The following SLC43A1 variants were observed in gnomAD, a reference collection of about 807,000 sequenced individuals.
The protein encoded by SLC43A1 is solute carrier family 43 member 1.
A neutral mutation model predicts 59.5 loss-of-function variants in SLC43A1; 31 were observed. The observed-to-expected ratio is 0.52, with a 90% CI of 0.39 to 0.70. SLC43A1 has a LOEUF of 0.70. Among genes scored for constraint, SLC43A1 ranks in the 30% least tolerant of loss-of-function variants. The pLI, the probability that SLC43A1 is intolerant of heterozygous loss-of-function variation, is 0.00. For synonymous variants in SLC43A1, 259 were observed against 290.9 expected (o/e 0.89, Z 1.12); for missense variants, 598 against 717.8 (o/e 0.83, Z 1.91).
chr11:57,515,002 C>A lies in SLC43A1; in HGVS notation c.-14+442G>T, dbSNP rs1944652347. On this transcript the variant is annotated intron_variant, in intron 1 of 14. Transcript: ENST00000278426. This position sits in a 1 kb window ranked among gnomAD's most constrained non-coding sequence, Gnocchi z 5.3. The stretch of plus-strand genomic sequence containing the variant: ...GCAGCCTCGGCGGGAGGAGAGGGAA[C>A]GCGGGCGGCGCGGGGGCGGGGAGCG... The A allele has an allele frequency of 2.0e-6, 2 of 984,002 alleles. No individual in the cohort carries two copies. Among genetic ancestry groups the A allele is most frequent in the South Asian group, 9.4e-5 (2 of 21,252 alleles). The allele number at this position is 984,002 out of a possible 1,614,324, so 61.0% of individuals were successfully genotyped here.
chr11:57,501,607 G>A (rs1487988584), intron 2 of SLC43A1, among the ~76,000 whole-genome samples: 1 of 152,248 alleles, frequency 6.6e-6, no homozygotes, highest in Non-Finnish European at 1.5e-5. Flanking sequence ...TGCACTCAGT[G>A]TCCAAGCTTA....
Position 57,501,020 on chromosome 11 carries a change from G to GTGCA in SLC43A1, c.352_355dup (p.Thr119MetfsTer109). On this transcript the variant is annotated frameshift_variant, in exon 4 of 15. Coordinates refer to ENST00000278426, the MANE Select transcript of SLC43A1 (RefSeq NM_003627.6). LOFTEE classifies it high-confidence loss of function. Reference sequence around the variant, plus strand: ...GTCCCGGGAGGCCAGGGCCATGAGGGTGCAGGACGCAGTGAAGCAGGCACT... The same window carrying GTGCA: ...GTCCCGGGAGGCCAGGGCCATGAGGGTGCATGCAGGACGCAGTGAAGCAGGCACT... The GTGCA allele has an allele frequency of 6.2e-7, 1 of 1,602,204 alleles. No homozygotes were observed. The highest frequency in any genetic ancestry group is 8.5e-7 in the Non-Finnish European group (1 of 1,174,268).
chr11:57,491,650 G>A, intron 9 of SLC43A1, 24 bp from the exon 10 acceptor site: 1 of 1,614,196 alleles, frequency 6.2e-7, no homozygotes. Flanking sequence ...AACGTATGGT[G>A]AGGGGAGCTC....
At chr11:57,493,926 G>A in intron 8 of SLC43A1, 67 bp downstream of exon 8, 3 of 1,459,070 alleles carry the variant, frequency 2.1e-6, no homozygotes, top group Non-Finnish European at 2.8e-6. Flanking sequence ...TCAACCATGA[G>A]TGCTCACTGA....
chr11:57,506,335 T>C (rs1226508151), intron 2 of SLC43A1, among the ~76,000 whole-genome samples: 1 of 152,008 alleles, frequency 6.6e-6, no homozygotes, highest in Non-Finnish European at 1.5e-5. Context: ...GACAAAGTGA[T>C]ACCCTGTCTC....
At chr11:57,505,340 T>C (rs1944368742) in intron 2 of SLC43A1, among the ~76,000 whole-genome samples, 3 of 152,096 alleles carry the variant, frequency 2.0e-5, no homozygotes, top group African/African-American at 4.8e-5. Flanking sequence ...GGTGAAACCC[T>C]GTCTCTACTA....
At chr11:57,510,331 G>T (rs145053666) in intron 2 of SLC43A1, among the ~76,000 whole-genome samples, 81 of 151,768 alleles carry the variant, frequency 5.3e-4, no homozygotes, top group Middle Eastern at 3.4e-3. Context: ...GGTGGTGGAC[G>T]CCTGTAATCC....
At chr11:57,504,154 G>T (rs992820751) in intron 2 of SLC43A1, among the ~76,000 whole-genome samples, 2 of 152,060 alleles carry the variant, frequency 1.3e-5, no homozygotes, top group East Asian at 1.9e-4. Flanking sequence ...CCGAGATCGC[G>T]CCACTGCACT....
chr11:57,501,062 G>C lies in SLC43A1; in HGVS notation c.333-19C>G. On this transcript the variant is annotated intron_variant, in intron 3 of 14. Transcript: ENST00000278426. ...GCAGGCACTGTGGAGACACAGGGAA[G>C]GGCGAGGGGTTGGCCTGTGAGCACC... 1 of 1,606,228 alleles carries C rather than the reference G, an allele frequency of 6.2e-7. No homozygotes were observed. The highest frequency in any genetic ancestry group is 1.1e-5 in the South Asian group (1 of 89,984).
chr11:57,508,209 G>T (rs1022935989), intron 2 of SLC43A1, among the ~76,000 whole-genome samples: 1 of 151,640 alleles, frequency 6.6e-6, no homozygotes, highest in African/African-American at 2.4e-5. Flanking sequence ...GGAGGTTGCA[G>T]TGAGGTGAGA....
In SLC43A1 at chr11:57,513,938, C is replaced by T; in HGVS notation, c.154+20G>A. On this transcript the variant is annotated intron_variant, in intron 2 of 14. Coordinates refer to ENST00000278426, the MANE Select transcript of SLC43A1 (RefSeq NM_003627.6). ...TTGCCATCCCTCCCCCCAGCCCACC[C>T]AGCCCATTTTCAGGCATACCTGGGC... 1 of 1,311,326 alleles carries T rather than the reference C, an allele frequency of 7.6e-7. No individual in the cohort carries two copies. The highest frequency in any genetic ancestry group is 1.1e-6 in the Non-Finnish European group (1 of 922,930). 81.2% of individuals were successfully genotyped at this position (1,311,326 alleles called of 1,614,324 possible).
At chr11:57,508,451 T>C (rs2135217434) in intron 2 of SLC43A1, among the ~76,000 whole-genome samples, 1 of 152,038 alleles carries the variant, frequency 6.6e-6, no homozygotes, top group Non-Finnish European at 1.5e-5. Flanking sequence ...TGAATAAAGT[T>C]CCAAGAAGCA....
At position 57,487,311 on chromosome 11, in the gene SLC43A1, G is replaced by C. The variant is rs924533636; in HGVS notation, c.1410-93C>G. ...CCCCTCCCCACCATGGTCCCCGCTG[G>C]CCAGGCAGGGTGGTGCTTAAGCGTT... On this transcript the variant is annotated intron_variant, in intron 13 of 14. Transcript: ENST00000278426. 8 of 1,485,878 alleles carry C rather than the reference G, an allele frequency of 5.4e-6. No individual in the cohort carries two copies. The South Asian group carries it at 1.0e-4, about 19-fold the overall frequency. The allele number at this position is 1,485,878 out of a possible 1,614,324, so 92.0% of individuals were successfully genotyped here. A position where few individuals can be genotyped will look rare whatever the true frequency, so the allele number is the denominator to read the frequency against.
Position 57,494,031 on chromosome 11 carries a change from G to A in SLC43A1, c.833C>T (p.Pro278Leu), listed in dbSNP as rs1324381187. The change falls in exon 8 of 15, where the codon CCC (proline) becomes CTC (leucine). Residue 278 changes from proline (P) to leucine (L), a missense_variant. By Grantham distance (98) the Pro-to-Leu change is moderately conservative (BLOSUM62 -3). Transcript: ENST00000278426. ...TTCTGAGGTGCCCCGAACATCCTGG[G>A]GTGACATGAAGGCATCCGAACCGTC... ...LEDGSDAFMS[P>L]QDVRGTSENL... 2 of 1,606,550 alleles carry A rather than the reference G, an allele frequency of 1.2e-6. No individual in the cohort carries two copies. Among genetic ancestry groups the A allele is most frequent in the South Asian group, 1.1e-5 (1 of 89,824 alleles).
chr11:57,488,878 G>A (rs767917248), intron 13 of SLC43A1, 38 bp downstream of exon 13: 1 of 1,564,534 alleles, frequency 6.4e-7, no homozygotes, highest in Non-Finnish European at 8.8e-7. Context: ...GATCACGGTT[G>A]CAAAGCTCAG....
intron 2 of SLC43A1, among the ~76,000 whole-genome samples, chr11:57,511,267 AT>A (rs1367346319): frequency 2.0e-5 from 3 of 151,452 alleles, no homozygotes; most frequent in Admixed American, 1.3e-4. Flanking sequence ...CTATAAAAAA[AT>A]TTTTTTTTAA....
rs542634921 is a variant in SLC43A1 at position 57,514,983 on chromosome 11, T to C, written c.-14+461A>G. The C allele has an allele frequency of 9.9e-5, 97 of 975,568 alleles. No homozygotes were observed. In the African/African-American group the frequency reaches 1.5e-3, roughly 15 times the overall value. 60.4% of individuals were successfully genotyped at this position (975,568 alleles called of 1,614,324 possible). A position where few individuals can be genotyped will look rare whatever the true frequency, so the allele number is the denominator to read the frequency against. On this transcript the variant is annotated intron_variant, in intron 1 of 14. Coordinates refer to ENST00000278426, the MANE Select transcript of SLC43A1 (RefSeq NM_003627.6). This position sits in a 1 kb window ranked among gnomAD's most constrained non-coding sequence, Gnocchi z 5.5. ...TCCCCCCGCCGCGGCCGCTGCAGCC[T>C]CGGCGGGAGGAGAGGGAACGCGGGC...
intron 14 of SLC43A1, among the ~76,000 whole-genome samples, chr11:57,486,773 C>T (rs1014562221): frequency 2.0e-5 from 3 of 151,854 alleles, no homozygotes; most frequent in African/African-American, 2.4e-5. Context: ...CGCACCACTG[C>T]ACTCCAGCCT....
rs1258495490 is a variant in SLC43A1 at position 57,515,210 on chromosome 11, AG to A, written c.-14+233del. On this transcript the variant is annotated intron_variant, in intron 1 of 14. Coordinates refer to ENST00000278426, the MANE Select transcript of SLC43A1 (RefSeq NM_003627.6). The surrounding 1 kb of genome is among the most constrained non-coding windows in gnomAD (Gnocchi z 5.3). ...CTGGCAAACGCGCAGCTCTAAGCAG[AG>A]GAAGTGCAGCGAGCGGGGACCCGGG... The A allele has an allele frequency of 6.3e-5, 16 of 254,136 alleles. No individual in the cohort carries two copies. The highest frequency in any genetic ancestry group is 2.6e-4 in the Admixed American group (4 of 15,384). The allele number at this position is 254,136 out of a possible 1,614,324, so 15.7% of individuals were successfully genotyped here.
Sources: gnomAD v4.1 joint callset for allele counts (sites outside exome capture counted in the v4.1 genomes callset) on GRCh38, gnomAD v4.1.1 for gene constraint, Gnocchi (gnomAD v3.1) non-coding constraint, MANE v1.5 for transcripts, NCBI Gene and HGNC (gene_info 2026-07-23, HGNC 2026-07-21) for gene names.